The following LPP variants were observed in gnomAD, a reference collection of about 807,000 sequenced individuals.
LPP encodes the protein lipoma-preferred partner.
Under a neutral mutation model 60.4 loss-of-function variants are expected in LPP, and 38 were observed. The ratio of observed to expected loss-of-function variants is 0.63; its 90% CI spans 0.49 to 0.83. LPP has a LOEUF of 0.83. Ranked by LOEUF, LPP falls within the 40% of genes least tolerant of loss-of-function variation. The pLI is 0.00. For synonymous variants in LPP, 328 were observed against 290.8 expected (o/e 1.13, Z -1.30); for missense variants, 902 against 783.6 (o/e 1.15, Z -1.80).
At chr3:188,608,077 C>A (rs1232220106) in intron 6 of LPP, among the ~76,000 whole-genome samples, 1 of 152,024 alleles carries the variant, frequency 6.6e-6, no homozygotes. Flanking sequence ...AAGCTGTGCA[C>A]AATAGATTAG....
intron 1 of LPP, among the ~76,000 whole-genome samples, chr3:188,164,627 C>G (rs1041051725): frequency 1.1e-4 from 17 of 152,136 alleles, no homozygotes; most frequent in Non-Finnish European, 1.6e-4. Context: ...CTGCCCTGGC[C>G]AGGCAGGTAA....
At chr3:188,599,751 G>GTGTGTGTGT (rs1553938530) in intron 6 of LPP, among the ~76,000 whole-genome samples, 1 of 139,828 alleles carries the variant, frequency 7.2e-6, no homozygotes, top group Non-Finnish European at 1.5e-5. Flanking sequence ...ACTCGTTAGG[G>GTGTGTGTGT]GTGTGTGTGT....
intron 6 of LPP, among the ~76,000 whole-genome samples, chr3:188,537,732 G>T (rs1824021004): frequency 6.6e-6 from 1 of 152,124 alleles, no homozygotes; most frequent in Non-Finnish European, 1.5e-5. Context: ...TGGCTTCTTT[G>T]TAAGAATTGA....
At chr3:188,418,456 T>G (rs1282692319) in intron 4 of LPP, among the ~76,000 whole-genome samples, 1 of 152,142 alleles carries the variant, frequency 6.6e-6, no homozygotes, top group African/African-American at 2.4e-5. Flanking sequence ...CTGCCAAGTA[T>G]AATGTATGTA....
chr3:188,452,442 A>C (rs554480805), intron 4 of LPP, among the ~76,000 whole-genome samples: 44 of 152,170 alleles, frequency 2.9e-4, no homozygotes, highest in Admixed American at 2.4e-3. Context: ...TTGTTTGCTC[A>C]TTCGATATTG....
Position 188,337,980 on chromosome 3 carries a change from C to G in LPP, c.-66-3683C>G, listed in dbSNP as rs538717969. Among the ~76,000 whole-genome samples, 13 of 152,324 alleles carry G rather than the reference C, an allele frequency of 8.5e-5. 1 individual carries two copies. The South Asian group carries it at 2.5e-3, about 29-fold the overall frequency. On this transcript the variant is annotated intron_variant, in intron 2 of 11. Transcript: ENST00000617246. Reference sequence around the variant, plus strand: ...TATTTCTGCTCAGAATTCCTAAAGTCTCTCATTTTATTTCTAGATTATACA... The same window carrying G: ...TATTTCTGCTCAGAATTCCTAAAGTGTCTCATTTTATTTCTAGATTATACA...
chr3:188,191,851 T>A (rs760625078), intron 1 of LPP, among the ~76,000 whole-genome samples: 1 of 152,184 alleles, frequency 6.6e-6, no homozygotes, highest in Non-Finnish European at 1.5e-5. Context: ...TTGATTTTAG[T>A]AGGCAAGTTA....
chr3:188,846,390 G>C (rs1761401998), intron 9 of LPP, among the ~76,000 whole-genome samples: 1 of 152,108 alleles, frequency 6.6e-6, no homozygotes, highest in Non-Finnish European at 1.5e-5. Flanking sequence ...GAAAGTATAA[G>C]ATATGTGTAG....
intron 1 of LPP, among the ~76,000 whole-genome samples, chr3:188,193,181 T>G (rs1445853909): frequency 1.3e-5 from 2 of 152,188 alleles, no homozygotes; most frequent in Non-Finnish European, 2.9e-5. Flanking sequence ...AGATAGCGTG[T>G]TGGTTTGTGT....
intron 2 of LPP, among the ~76,000 whole-genome samples, chr3:188,262,082 G>A (rs1403948315): frequency 6.6e-6 from 1 of 152,158 alleles, no homozygotes; most frequent in African/African-American, 2.4e-5. Context: ...ACGAATGCAT[G>A]GGATTCGGCT....
At chr3:188,381,979 G>A (rs1358335771) in intron 3 of LPP, among the ~76,000 whole-genome samples, 1 of 151,692 alleles carries the variant, frequency 6.6e-6, no homozygotes, top group Non-Finnish European at 1.5e-5. Context: ...TAGAGACAGG[G>A]GTCTTGCTAT....
chr3:188,671,389 G>A (rs1856925109), intron 7 of LPP, among the ~76,000 whole-genome samples: 1 of 152,080 alleles, frequency 6.6e-6, no homozygotes, highest in Non-Finnish European at 1.5e-5. Flanking sequence ...AGTTGTGTTG[G>A]CAGAGTTGTC....
At chr3:188,367,052 A>G (rs1771406601) in intron 3 of LPP, among the ~76,000 whole-genome samples, 2 of 151,960 alleles carry the variant, frequency 1.3e-5, no homozygotes, top group South Asian at 2.1e-4. Context: ...ACCCGCCACC[A>G]TGCCCGGCTA....
intron 3 of LPP, among the ~76,000 whole-genome samples, chr3:188,345,673 C>T (rs1172705199): frequency 6.6e-6 from 1 of 152,160 alleles, no homozygotes; most frequent in Non-Finnish European, 1.5e-5. Flanking sequence ...GACCCTTCTG[C>T]CTTATTCTTG....
At chr3:188,652,466 A>G (rs1440710824) in intron 7 of LPP, among the ~76,000 whole-genome samples, 3 of 152,112 alleles carry the variant, frequency 2.0e-5, no homozygotes, top group Non-Finnish European at 1.5e-5. Context: ...GGCCAGAGGG[A>G]GGAGAATCTG....
intron 10 of LPP, among the ~76,000 whole-genome samples, chr3:188,871,053 T>TA (rs1347088381): frequency 1.3e-5 from 2 of 152,128 alleles, no homozygotes; most frequent in South Asian, 2.1e-4. Flanking sequence ...TGTGGAAACT[T>TA]AGAGTTTAGT....
chr3:188,619,613 A>G (rs1041536767), intron 7 of LPP, among the ~76,000 whole-genome samples: 4 of 152,236 alleles, frequency 2.6e-5, no homozygotes, highest in African/African-American at 9.6e-5. Context: ...ACACTATAAC[A>G]GCAGAGCTGA....
chr3:188,280,824 G>C (rs1225131870), intron 2 of LPP, among the ~76,000 whole-genome samples: 1 of 152,126 alleles, frequency 6.6e-6, no homozygotes, highest in African/African-American at 2.4e-5. Context: ...TAAATCCAGA[G>C]TCCAGGTCAT....
intron 3 of LPP, among the ~76,000 whole-genome samples, chr3:188,359,776 T>G (rs1009932019): frequency 3.9e-5 from 6 of 152,286 alleles, no homozygotes; most frequent in Admixed American, 3.9e-4. Context: ...CTCATCTGTC[T>G]CCAGGTTGTA....
Sources: allele counts gnomAD v4.1 joint callset (sites outside exome capture counted in the v4.1 genomes callset), GRCh38; gene constraint gnomAD v4.1.1; transcripts MANE v1.5; gene names NCBI Gene and HGNC (gene_info 2026-07-23, HGNC 2026-07-21).